The following IGF1R variants were observed in gnomAD, a reference collection of about 807,000 sequenced individuals.
IGF1R encodes insulin-like growth factor 1 receptor.
Under a neutral mutation model 144.6 loss-of-function variants are expected in IGF1R, and 44 were observed. That is an observed-to-expected ratio of 0.30 (90% CI 0.24 to 0.39). The LOEUF (loss-of-function observed/expected upper bound fraction) is 0.39. Among genes scored for constraint, IGF1R ranks in the 10% least tolerant of loss-of-function variants. The probability of loss-of-function intolerance (pLI) is 1.00; values close to 1 mark genes in which losing one functional copy is unlikely to be tolerated. For synonymous variants in IGF1R, 795 were observed against 722.8 expected, an observed-to-expected ratio of 1.10 and a Z score of -1.60; for missense variants, 1,355 against 1,833.7, an observed-to-expected ratio of 0.74 and a Z score of 4.77.
intron 2 of IGF1R, among the ~76,000 whole-genome samples, chr15:98,875,349 C>CTTTTTTTTTTTTTTTT (rs34303390): frequency 3.1e-5 from 4 of 130,206 alleles, no homozygotes; most frequent in Admixed American, 7.6e-5. Flanking sequence ...CTTTTCTTTT[C>CTTTTTTTTTTTTTTTT]TTTTTTTTTT....
chr15:98,896,688 T>C (rs1039479385), intron 3 of IGF1R, 69 bp from the exon 4 acceptor site: 12 of 1,476,842 alleles, frequency 8.1e-6, no homozygotes, highest in African/African-American at 4.2e-5. Context: ...CATATCCTTA[T>C]GGTTTTTTTA....
rs141390064 is a variant in IGF1R, at chr15:98,834,986, G to A, written c.641-56339G>A. ...TTTGTAAGATGGCGAGTGTTGAGAT[G>A]TCTTATAGGCTTATATTGAGTGAAA... On this transcript the variant is annotated intron_variant, in intron 2 of 20. Coordinates refer to ENST00000650285, the MANE Select transcript of IGF1R (RefSeq NM_000875.5). Among the ~76,000 whole-genome samples the A allele has an allele frequency of 1.3e-5, 2 of 152,098 alleles. 1 individual carries two copies. The highest frequency in any genetic ancestry group is 3.9e-4 in the East Asian group (2 of 5,174).
intron 15 of IGF1R, among the ~76,000 whole-genome samples, chr15:98,934,104 T>A (rs530087633): frequency 2.0e-5 from 3 of 147,654 alleles, no homozygotes; most frequent in Admixed American, 7.1e-5. Flanking sequence ...TAAAGTTACC[T>A]AAATATTTCA....
At chr15:98,737,292 G>A (rs2054633781) in intron 2 of IGF1R, among the ~76,000 whole-genome samples, 1 of 152,150 alleles carries the variant, frequency 6.6e-6, no homozygotes. Flanking sequence ...TTCTCTCTGG[G>A]GCAGCATGTT....
rs1022110518 is a variant in IGF1R, at chr15:98,958,057, C to T, written c.*615C>T. ...CAAAATCCTGAACTTTCTCCCTCAT[C>T]GGCCCGGCGCTGATTCCTCGTGTCC... On this transcript the variant is annotated 3_prime_UTR_variant, in exon 21 of 21. Coordinates refer to ENST00000650285, the MANE Select transcript of IGF1R (RefSeq NM_000875.5). The T allele has an allele frequency of 4.7e-5, 11 of 234,154 alleles. No individual in the cohort carries two copies. The highest frequency in any genetic ancestry group is 1.3e-4 in the African/African-American group (6 of 45,454). 14.5% of individuals were successfully genotyped at this position (234,154 alleles called of 1,614,324 possible). A position where few individuals can be genotyped will look rare whatever the true frequency, so the allele number is the denominator to read the frequency against.
intron 2 of IGF1R, among the ~76,000 whole-genome samples, chr15:98,773,435 G>T (rs369844148): frequency 1.3e-5 from 2 of 152,136 alleles, no homozygotes; most frequent in Non-Finnish European, 2.9e-5. Context: ...ATTGCTTACC[G>T]CTCCAGACAA....
chr15:98,662,589 CTTG>C (rs1229185788), intron 1 of IGF1R, among the ~76,000 whole-genome samples: 5 of 151,588 alleles, frequency 3.3e-5, no homozygotes, highest in African/African-American at 9.7e-5. Flanking sequence ...TTTACTCGAG[CTTG>C]TTGTCTAGTT....
intron 2 of IGF1R, among the ~76,000 whole-genome samples, chr15:98,775,703 A>G (rs1391766730): frequency 6.6e-6 from 1 of 152,202 alleles, no homozygotes; most frequent in African/African-American, 2.4e-5. Context: ...GGATCCAGGC[A>G]GAGTACAGTG....
At chr15:98,900,707 C>T (rs1567186347) in intron 5 of IGF1R, 1 of 152,250 alleles carries the variant, frequency 6.6e-6, no homozygotes. Flanking sequence ...TGCCGCTGCA[C>T]CCAGCCCCAG....
chr15:98,729,155 CAA>C (rs974032890), intron 2 of IGF1R, among the ~76,000 whole-genome samples: 2 of 152,164 alleles, frequency 1.3e-5, no homozygotes, highest in African/African-American at 4.8e-5. Flanking sequence ...TATACATTTC[CAA>C]AGAGTGGAAT....
At chr15:98,659,845 T>C (rs1283790055) in intron 1 of IGF1R, among the ~76,000 whole-genome samples, 1 of 152,202 alleles carries the variant, frequency 6.6e-6, no homozygotes, top group Non-Finnish European at 1.5e-5. Flanking sequence ...TAGTAACACT[T>C]TCATTCTCTT....
intron 2 of IGF1R, among the ~76,000 whole-genome samples, chr15:98,793,301 G>A (rs1456274762): frequency 1.3e-5 from 2 of 152,216 alleles, no homozygotes. Context: ...AAAAAATCTT[G>A]TGTTGTCAAT....
In IGF1R at chr15:98,903,183, A is replaced by T. The variant is rs186815478; in HGVS notation, c.1247+3562A>T. Reference sequence around the variant, plus strand: ...AAAATAGCTAATTTTTAAGCTCTTGAGTAAGAGAATATTTTCACTATCTGG... The same window carrying T: ...AAAATAGCTAATTTTTAAGCTCTTGTGTAAGAGAATATTTTCACTATCTGG... On this transcript the variant is annotated intron_variant, in intron 5 of 20. Coordinates refer to ENST00000650285, the MANE Select transcript of IGF1R (RefSeq NM_000875.5). Among the ~76,000 whole-genome samples, 4 of 152,336 alleles carry T rather than the reference A, an allele frequency of 2.6e-5. No homozygotes were observed. In the East Asian group the frequency reaches 7.7e-4, roughly 29 times the overall value.
intron 7 of IGF1R, among the ~76,000 whole-genome samples, chr15:98,912,442 A>G (rs1008257548): frequency 6.6e-6 from 1 of 152,202 alleles, no homozygotes; most frequent in African/African-American, 2.4e-5. Context: ...TGATAAATAT[A>G]AAATACCTAC....
intron 2 of IGF1R, among the ~76,000 whole-genome samples, chr15:98,818,339 A>G (rs995344981): frequency 4.6e-5 from 7 of 152,180 alleles, no homozygotes; most frequent in African/African-American, 9.7e-5. Flanking sequence ...AATTTACTCA[A>G]TACACAGTGG....
intron 6 of IGF1R, among the ~76,000 whole-genome samples, chr15:98,909,903 C>T (rs569626748): frequency 1.6e-4 from 25 of 152,148 alleles, no homozygotes; most frequent in African/African-American, 4.8e-4. Context: ...TTGAGAATGG[C>T]GTGGCTCTCT....
chr15:98,779,761 C>T (rs1338503304), intron 2 of IGF1R, among the ~76,000 whole-genome samples: 1 of 152,220 alleles, frequency 6.6e-6, no homozygotes, highest in Admixed American at 6.5e-5. Flanking sequence ...GCTGGAGCAA[C>T]TCTGGAACCA....
Position 98,870,172 on chromosome 15 carries a change from A to G in IGF1R, c.641-21153A>G, listed in dbSNP as rs565709069. On this transcript the variant is annotated intron_variant, in intron 2 of 20. Coordinates refer to ENST00000650285, the MANE Select transcript of IGF1R (RefSeq NM_000875.5). ...GTTCAGTGACAGTAAGAACATTCACATTGTTTTGCAGCCGTGACCATCATT... is the reference window on the plus strand; with the variant it reads ...GTTCAGTGACAGTAAGAACATTCACGTTGTTTTGCAGCCGTGACCATCATT... Among the ~76,000 whole-genome samples the G allele has an allele frequency of 9.8e-5, 15 of 152,342 alleles. No individual in the cohort carries two copies. The South Asian group carries it at 2.9e-3, about 29-fold the overall frequency.
In IGF1R at chr15:98,707,501, G is replaced by A; in HGVS notation, c.95-61G>A. 1 of 1,511,736 alleles carries A rather than the reference G, an allele frequency of 6.6e-7. No individual in the cohort carries two copies. The highest frequency in any genetic ancestry group is 9.1e-7 in the Non-Finnish European group (1 of 1,098,758). 93.6% of individuals were successfully genotyped at this position (1,511,736 alleles called of 1,614,324 possible). Reference sequence around the variant, plus strand: ...TGAAAACCAACTGTATTATTGTTTGGAAAATAGTTTAAAAATTATTTCCTT... The same window carrying A: ...TGAAAACCAACTGTATTATTGTTTGAAAAATAGTTTAAAAATTATTTCCTT... On this transcript the variant is annotated intron_variant, in intron 1 of 20. Transcript: ENST00000650285. This position sits in a 1 kb window ranked among gnomAD's most constrained non-coding sequence, Gnocchi z 6.7.
Sources: gnomAD v4.1 joint callset for allele counts (sites outside exome capture counted in the v4.1 genomes callset) on GRCh38, gnomAD v4.1.1 for gene constraint, Gnocchi (gnomAD v3.1) non-coding constraint, MANE v1.5 for transcripts, NCBI Gene and HGNC (gene_info 2026-07-23, HGNC 2026-07-21) for gene names.